Variants in ZNF793 observed in about 807,000 individuals in gnomAD.
The protein encoded by ZNF793 is zinc finger protein 793.
In ZNF793, 5 loss-of-function variants were observed where a neutral mutation model predicts 12.4. The ratio of observed to expected loss-of-function variants is 0.40; its 90% CI spans 0.21 to 0.84. The LOEUF is 0.84. ZNF793 is among the 40% of genes least tolerant of loss of function. ZNF793 has a pLI of 0.35. For missense variants in ZNF793, 456 were observed against 495.0 expected (o/e 0.92, Z 0.75); for synonymous variants, 162 against 172.4 (o/e 0.94, Z 0.47).
intron 2 of ZNF793, among the ~76,000 whole-genome samples, chr19:37,519,949 CTCAG>C (rs926040293): frequency 6.6e-6 from 1 of 152,206 alleles, no homozygotes; most frequent in Non-Finnish European, 1.5e-5. Context: ...CCCAGATTCT[CTCAG>C]TCAGTCAGAG....
chr19:37,537,767 A>G lies in ZNF793; in HGVS notation c.1109A>G (p.Asn370Ser), dbSNP rs200604039. ...ACAGGAGAGAAGCCCTATGGGTGCA[A>G]TGAATGTGGGAAAGCTTTCTACCAG... is the stretch of plus-strand genomic sequence containing the variant. The part of the protein sequence containing the change: ...THTGEKPYGC[N>S]ECGKAFYQKP... The change falls in exon 8 of 8, where the codon AAT becomes AGT. Residue 370 changes from asparagine to serine, a missense_variant. Physicochemically the swap from Asn to Ser is conservative, Grantham distance 46. Coordinates refer to ENST00000627814, the MANE Select transcript of ZNF793 (RefSeq NM_001013659.3). The G allele has an allele frequency of 1.2e-5, 19 of 1,614,002 alleles. No individual in the cohort carries two copies. Among genetic ancestry groups the G allele is most frequent in the East Asian group, 2.2e-5 (1 of 44,894 alleles).
Position 37,537,730 on chromosome 19 carries a change from T to C in ZNF793, c.1072T>C (p.Trp358Arg). The change falls in exon 8 of 8, where the codon TGG becomes CGG. Residue 358 changes from tryptophan to arginine, a missense_variant. Physicochemically the swap from Trp to Arg is moderately radical, Grantham distance 101. Transcript: ENST00000627814. Reference protein sequence around the residue: ...FSQKSCLNKHWRTHTGEKPYG... With the variant: ...FSQKSCLNKHRRTHTGEKPYG... Reference sequence around the variant, plus strand: ...CCAGAAGTCATGCCTCAATAAACATTGGAGAACTCACACAGGAGAGAAGCC... The same window carrying C: ...CCAGAAGTCATGCCTCAATAAACATCGGAGAACTCACACAGGAGAGAAGCC... The C allele has an allele frequency of 6.2e-7, 1 of 1,613,846 alleles. No individual in the cohort carries two copies. Among genetic ancestry groups the C allele is most frequent in the Non-Finnish European group, 8.5e-7 (1 of 1,179,948 alleles).
intron 5 of ZNF793, among the ~76,000 whole-genome samples, chr19:37,524,595 CA>C (rs2042399594): frequency 6.6e-6 from 1 of 152,136 alleles, no homozygotes; most frequent in South Asian, 2.1e-4. Context: ...TTGTTATCTC[CA>C]GTGGAAAATT....
intron 2 of ZNF793, among the ~76,000 whole-genome samples, chr19:37,510,652 C>G (rs1197583725): frequency 6.6e-6 from 1 of 151,062 alleles, no homozygotes; most frequent in Non-Finnish European, 1.5e-5. Context: ...CCACTGCACC[C>G]TAGCCTGGGT....
chr19:37,511,820 G>A (rs1272347389), intron 2 of ZNF793, among the ~76,000 whole-genome samples: 3 of 152,182 alleles, frequency 2.0e-5, no homozygotes, highest in Non-Finnish European at 4.4e-5. Context: ...TCCCATTAAT[G>A]AAGCTAACGG....
rs745775362 is a variant in ZNF793 at position 37,536,952 on chromosome 19, GC to G, written c.296del (p.Pro99GlnfsTer5). ...AAAGACGGCAAGACATGCTTTTGAG[GC>G]CAGGCGCAGCCATAAGCAAGAAAAC... ...RKRRQDMLLR[P>X]GAAISKKTLP... is the part of the protein sequence containing the mutation. On this transcript the variant is annotated frameshift_variant, in exon 8 of 8. Transcript: ENST00000627814. LOFTEE classifies it low-confidence loss of function (END_TRUNC). The G allele has an allele frequency of 2.0e-5, 32 of 1,613,436 alleles. No individual in the cohort carries two copies. In the South Asian group the frequency reaches 3.4e-4, roughly 17 times the overall value.
rs188644740 is a variant in ZNF793, at chr19:37,542,549, C to A, written c.*4670C>A. On this transcript the variant is annotated 3_prime_UTR_variant, in exon 8 of 8. Transcript: ENST00000627814. ...AAAATTGTTCTTAATGGCAAAAAAACCCCCAAAACCAAAGCAAACACTAGA... is the reference window on the plus strand; with the variant it reads ...AAAATTGTTCTTAATGGCAAAAAAAACCCCAAAACCAAAGCAAACACTAGA... 2.2e-3 allele frequency: 732 copies of A among 339,574 alleles called. 5 individuals are homozygous for A. Among genetic ancestry groups the A allele is most frequent in the African/African-American group, 0.013 (583 of 46,514 alleles). 21.0% of individuals were successfully genotyped at this position (339,574 alleles called of 1,614,324 possible).
rs2042524015 is a variant in ZNF793 at position 37,538,091 on chromosome 19, A to ATT, written c.*216_*217dup. ...CATGCCCGGCTAATTTTTTTTTTGT[A>ATT]TTTTTAGTAGAGACGGGGTTTCACC... On this transcript the variant is annotated 3_prime_UTR_variant, in exon 8 of 8. Transcript: ENST00000627814. 1 of 478,872 alleles carries ATT rather than the reference A, an allele frequency of 2.1e-6. No homozygotes were observed. The highest frequency in any genetic ancestry group is 2.0e-5 in the African/African-American group (1 of 49,426). The allele number at this position is 478,872 out of a possible 1,614,324, so 29.7% of individuals were successfully genotyped here.
intron 5 of ZNF793, among the ~76,000 whole-genome samples, chr19:37,530,386 C>T (rs903384274): frequency 1.3e-5 from 2 of 152,110 alleles, no homozygotes; most frequent in African/African-American, 2.4e-5. Context: ...CAGGTCTTTC[C>T]CTTCCCACGA....
At chr19:37,530,738 A>G (rs1317164010) in intron 5 of ZNF793, among the ~76,000 whole-genome samples, 1 of 152,210 alleles carries the variant, frequency 6.6e-6, no homozygotes, top group Non-Finnish European at 1.5e-5. Flanking sequence ...ACGCAGACAC[A>G]GTAACAATCT....
intron 6 of ZNF793, 110 bp from the exon 7 acceptor site, chr19:37,533,198 T>A: frequency 2.4e-6 from 2 of 849,430 alleles, no homozygotes; most frequent in South Asian, 1.6e-5. Flanking sequence ...AAGGTGTGTG[T>A]TTAGTCCCCT....
Position 37,532,396 on chromosome 19 carries a change from A to C in ZNF793, c.56A>C (p.Gln19Pro). The change falls in exon 6 of 8, where the codon CAA (glutamine) becomes CCA (proline). Residue 19 changes from glutamine (Q) to proline (P), a missense_variant. By Grantham distance (76) the Gln-to-Pro change is moderately conservative. Transcript: ENST00000627814. ...SFKDVVVGFT[Q>P]EEWHRLSPAQ... ...AAAGATGTGGTTGTGGGCTTCACCCAAGAGGAGTGGCACCGGCTGAGTCCT... is the reference window on the plus strand; with the variant it reads ...AAAGATGTGGTTGTGGGCTTCACCCCAGAGGAGTGGCACCGGCTGAGTCCT... 1 of 1,614,140 alleles carries C rather than the reference A, an allele frequency of 6.2e-7. No individual in the cohort carries two copies. The highest frequency in any genetic ancestry group is 1.1e-5 in the South Asian group (1 of 91,078).
intron 6 of ZNF793, among the ~76,000 whole-genome samples, chr19:37,532,742 C>T (rs1458162774): frequency 6.6e-6 from 1 of 152,016 alleles, no homozygotes; most frequent in African/African-American, 2.4e-5. Context: ...TTGCTTGAAC[C>T]CGGGAGGCAG....
chr19:37,532,358 A>G lies in ZNF793; in HGVS notation c.18A>G (p.Ile6Met), dbSNP rs1950620769. 2 of 1,613,374 alleles carry G rather than the reference A, an allele frequency of 1.2e-6. No individual in the cohort carries two copies. Among genetic ancestry groups the G allele is most frequent in the Admixed American group, 1.7e-5 (1 of 59,856 alleles). Residue 6 changes from isoleucine (I) to methionine (M), a missense_variant and splice_region_variant, in exon 6 of 8, where the codon ATA (isoleucine) becomes ATG (methionine). By Grantham distance (10) the Ile-to-Met change is conservative (BLOSUM62 1). Transcript: ENST00000627814. MIEYQ[I>M]PVSFKDVVVG... ...CAATGTCATTTTTGTTTCAACAGATACCTGTGTCATTCAAAGATGTGGTTG... is the reference window on the plus strand; with the variant it reads ...CAATGTCATTTTTGTTTCAACAGATGCCTGTGTCATTCAAAGATGTGGTTG...
intron 2 of ZNF793, among the ~76,000 whole-genome samples, chr19:37,511,691 C>A (rs1321196604): frequency 6.6e-6 from 1 of 152,092 alleles, no homozygotes; most frequent in Non-Finnish European, 1.5e-5. Flanking sequence ...AAAAGAAATT[C>A]TAATCTGAAG....
intron 3 of ZNF793, among the ~76,000 whole-genome samples, chr19:37,520,595 G>C (rs957951900): frequency 6.6e-6 from 1 of 152,208 alleles, no homozygotes; most frequent in Admixed American, 6.5e-5. Context: ...AGAGTGAAGG[G>C]AGAGGTAGGG....
At chr19:37,511,785 G>T (rs1207636296) in intron 2 of ZNF793, among the ~76,000 whole-genome samples, 1 of 152,200 alleles carries the variant, frequency 6.6e-6, no homozygotes, top group Non-Finnish European at 1.5e-5. Flanking sequence ...AGACCCTGAG[G>T]TTTTAAAGTG....
chr19:37,537,829 C>T lies in ZNF793; in HGVS notation c.1171C>T (p.Arg391Trp), dbSNP rs574965041. 113 of 1,612,470 alleles carry T rather than the reference C, an allele frequency of 7.0e-5. No individual in the cohort carries two copies. In the East Asian group the frequency reaches 9.4e-4, roughly 13 times the overall value. Residue 391 changes from arginine to tryptophan, a missense_variant, in exon 8 of 8, where the codon CGG becomes TGG. By Grantham distance (101) the Arg-to-Trp change is moderately radical. Coordinates refer to ENST00000627814, the MANE Select transcript of ZNF793 (RefSeq NM_001013659.3). The stretch of plus-strand genomic sequence containing the variant: ...CAGCAGACATCAGAAAATTCATGCT[C>T]GGAAGAATGCCTACAGGAATGAAAA... ...NLSRHQKIHARKNAYRNENLI... is the reference protein window; with the variant it reads ...NLSRHQKIHAWKNAYRNENLI...
chr19:37,508,859 A>G (rs1468728418), intron 2 of ZNF793, among the ~76,000 whole-genome samples: 1 of 152,214 alleles, frequency 6.6e-6, no homozygotes, highest in East Asian at 1.9e-4. Flanking sequence ...AATTTATTGT[A>G]TTCTGAGAAA....
Sources: allele counts gnomAD v4.1 joint callset (sites outside exome capture counted in the v4.1 genomes callset), GRCh38; gene constraint gnomAD v4.1.1; transcripts MANE v1.5; gene names NCBI Gene and HGNC (gene_info 2026-07-23, HGNC 2026-07-21).